The following PTCH2 variants were observed in gnomAD, a reference collection of about 807,000 sequenced individuals.
PTCH2 encodes patched 2, also known as protein patched homolog 2.
A neutral mutation model predicts 117.9 loss-of-function variants in PTCH2; 96 were observed. That is an observed-to-expected ratio of 0.81 (90% CI 0.69 to 0.96). The LOEUF is 0.96. Among genes scored for constraint, PTCH2 ranks in the 50% least tolerant of loss-of-function variants. The pLI, the probability that PTCH2 is intolerant of heterozygous loss-of-function variation, is 0.00. For missense variants in PTCH2, 1,379 were observed against 1,562.5 expected (o/e 0.88, Z 1.98); for synonymous variants, 615 against 660.9 (o/e 0.93, Z 1.06).
chr1:44,828,070 G>T lies in PTCH2; in HGVS notation c.1831C>A (p.Gln611Lys). ...GGAGGCAGGATGGTGACCACATGCT[G>T]GCTGCTGGCTTCACAGTGGGTAAAG... The part of the protein sequence containing the change: ...QAFTHCEASS[Q>K]HVVTILPPQA... Residue 611 changes from glutamine (Q) to lysine (K), a missense_variant, in exon 14 of 22, where the codon CAG becomes AAG. By Grantham distance (53) the Gln-to-Lys change is moderately conservative. Transcript: ENST00000372192. 6.2e-7 allele frequency: 1 copy of T among 1,614,140 alleles called. No individual in the cohort carries two copies. The highest frequency in any genetic ancestry group is 1.3e-5 in the African/African-American group (1 of 75,064).
intron 2 of PTCH2, among the ~76,000 whole-genome samples, chr1:44,834,805 C>T (rs1171114539): frequency 6.6e-6 from 1 of 152,176 alleles, no homozygotes; most frequent in African/African-American, 2.4e-5. Flanking sequence ...GCCTTGGGCT[C>T]ATTAGTTATT....
intron 1 of PTCH2, 25 bp from the exon 2 acceptor site, chr1:44,842,064 C>T: frequency 6.3e-7 from 1 of 1,575,352 alleles, no homozygotes; most frequent in South Asian, 1.1e-5. Flanking sequence ...GAAGGGTCAG[C>T]CAGGCATCAC....
At position 44,826,691 on chromosome 1, in the gene PTCH2, CCA is replaced by C. The variant is rs1653163289; in HGVS notation, c.2771_2772del (p.Val924GlyfsTer107). ...LRGLQKTADFVEAIEGARAAC... is the reference protein window; with the variant it reads ...LRGLQKTADFXEAIEGARAAC... ...GCTGCCCGGGCCCCCTCGATGGCCT[CCA>C]CAAAGTCTGCAGTCTTCTGGAGGCC... is the stretch of plus-strand genomic sequence containing the variant. On this transcript the variant is annotated frameshift_variant, in exon 18 of 22. Coordinates refer to ENST00000372192, the MANE Select transcript of PTCH2 (RefSeq NM_003738.5). LOFTEE classifies it high-confidence loss of function. This position sits in a 1 kb window ranked among gnomAD's most constrained non-coding sequence, Gnocchi z 5.1. 1 of 1,606,080 alleles carries C rather than the reference CCA, an allele frequency of 6.2e-7. No homozygotes were observed. Among genetic ancestry groups the C allele is most frequent in the Non-Finnish European group, 8.5e-7 (1 of 1,175,390 alleles).
In PTCH2 at chr1:44,831,833, C is replaced by T; in HGVS notation, c.526-36G>A. 1 of 1,605,330 alleles carries T rather than the reference C, an allele frequency of 6.2e-7. No homozygotes were observed. The highest frequency in any genetic ancestry group is 1.3e-5 in the African/African-American group (1 of 74,800). ...TACCCCGGGCCACGTCAGTCCTGCCCCACAACCTTTGTAGGATGCCCTCTG... is the reference window on the plus strand; with the variant it reads ...TACCCCGGGCCACGTCAGTCCTGCCTCACAACCTTTGTAGGATGCCCTCTG... On this transcript the variant is annotated intron_variant, in intron 4 of 21. Transcript: ENST00000372192. This position sits in a 1 kb window ranked among gnomAD's most constrained non-coding sequence, Gnocchi z 4.3.
rs1653257498 is a variant in PTCH2, at chr1:44,828,295, C to T, written c.1709+1G>A. ...GGAAGGGGCTGGGGCGCAGGCAGTACCTGGAGAAGCAGCAGAGCACATCAA... is the reference window on the plus strand; with the variant it reads ...GGAAGGGGCTGGGGCGCAGGCAGTATCTGGAGAAGCAGCAGAGCACATCAA... On this transcript the variant is annotated splice_donor_variant, in intron 13 of 21. Transcript: ENST00000372192. LOFTEE classifies it high-confidence loss of function. 1 of 1,613,730 alleles carries T rather than the reference C, an allele frequency of 6.2e-7. No individual in the cohort carries two copies. The highest frequency in any genetic ancestry group is 1.7e-5 in the Admixed American group (1 of 60,006).
Position 44,823,126 on chromosome 1 carries a change from G to T in PTCH2, c.3300C>A (p.Leu1100=). The change falls in exon 21 of 22, where the codon CTC becomes CTA. Residue 1100 remains leucine (L), a synonymous_variant. Transcript: ENST00000372192. The surrounding 1 kb of genome is among the most constrained non-coding windows in gnomAD (Gnocchi z 5.1). ...AALTVLTLLG[L]LHGLVLLPVL... ...CAGGCAGCAGCACGAGTCCATGGAG[G>T]AGGCCCAGGAGCGTGAGCACTGTCA... The T allele has an allele frequency of 6.2e-7, 1 of 1,614,040 alleles. No individual in the cohort carries two copies. The highest frequency in any genetic ancestry group is 8.5e-7 in the Non-Finnish European group (1 of 1,180,006).
intron 2 of PTCH2, among the ~76,000 whole-genome samples, chr1:44,833,835 G>C (rs1376822780): frequency 6.7e-6 from 1 of 149,982 alleles, no homozygotes; most frequent in Non-Finnish European, 1.5e-5. Context: ...GTGAGCCACC[G>C]CACCCGGCCC....
chr1:44,826,255 C>T lies in PTCH2; in HGVS notation c.3109G>A (p.Ala1037Thr). 6.2e-7 allele frequency: 1 copy of T among 1,614,034 alleles called. No individual in the cohort carries two copies. Among genetic ancestry groups the T allele is most frequent in the Non-Finnish European group, 8.5e-7 (1 of 1,180,022 alleles). Residue 1037 changes from alanine to threonine, a missense_variant, in exon 19 of 22, where the codon GCT becomes ACT. Coordinates refer to ENST00000372192, the MANE Select transcript of PTCH2 (RefSeq NM_003738.5). The surrounding 1 kb of genome is among the most constrained non-coding windows in gnomAD (Gnocchi z 5.1). ...CCCGGGGTGCCCGTGCTCACCAGAG[C>T]CACGTGGACTGTGAACTCAACGCCA... ...GIGVEFTVHV[A>T]LGFLTTQGSR...
downstream of PTCH2, among the ~76,000 whole-genome samples, chr1:44,821,007 G>T (rs1652887582): frequency 6.6e-6 from 1 of 152,124 alleles, no homozygotes; most frequent in Non-Finnish European, 1.5e-5. Context: ...TGTTGTTGTT[G>T]TTTTTGTTGT....
At position 44,825,311 on chromosome 1, in the gene PTCH2, T is replaced by C. The variant is rs1474581444; in HGVS notation, c.3114+939A>G. 2.0e-5 allele frequency among the ~76,000 whole-genome samples: 3 copies of C among 151,614 alleles called. No individual in the cohort carries two copies. The South Asian group carries it at 6.3e-4, about 32-fold the overall frequency. On this transcript the variant is annotated intron_variant, in intron 19 of 21. Coordinates refer to ENST00000372192, the MANE Select transcript of PTCH2 (RefSeq NM_003738.5). The stretch of plus-strand genomic sequence containing the variant: ...CACCCCCACACCCAGCTAATTTTCA[T>C]ATTTTTAGTAGAGATGGGGTTTCAC...
Position 44,823,137 on chromosome 1 carries a change from G to C in PTCH2, c.3289C>G (p.Leu1097Val). ...ACGAGTCCATGGAGGAGGCCCAGGA[G>C]CGTGAGCACTGTCAGCGCCGCAAAG... ...YFFAALTVLTLLGLLHGLVLL... is the reference protein window; with the variant it reads ...YFFAALTVLTVLGLLHGLVLL... The change falls in exon 21 of 22, where the codon CTC (leucine) becomes GTC (valine). Residue 1097 changes from leucine to valine, a missense_variant. Transcript: ENST00000372192. The surrounding 1 kb of genome is among the most constrained non-coding windows in gnomAD (Gnocchi z 5.1). 2 of 1,614,104 alleles carry C rather than the reference G, an allele frequency of 1.2e-6. No individual in the cohort carries two copies. The highest frequency in any genetic ancestry group is 2.2e-5 in the South Asian group (2 of 91,056).
rs1553165035 is a variant in PTCH2 at position 44,826,991 on chromosome 1, A to AG, written c.2605dup (p.Leu869ProfsTer16). On this transcript the variant is annotated frameshift_variant, in exon 17 of 22. Coordinates refer to ENST00000372192, the MANE Select transcript of PTCH2 (RefSeq NM_003738.5). LOFTEE classifies it high-confidence loss of function. The surrounding 1 kb of genome is among the most constrained non-coding windows in gnomAD (Gnocchi z 5.1). ...GTTGGCCTGTGAGGCTGCCAGACCC[A>AG]GGGGGTCACTGCTCACCCACACGGT... 7 of 1,614,076 alleles carry AG rather than the reference A, an allele frequency of 4.3e-6. No homozygotes were observed. Among genetic ancestry groups the AG allele is most frequent in the Non-Finnish European group, 5.1e-6 (6 of 1,180,028 alleles).
intron 3 of PTCH2, 35 bp downstream of exon 3, chr1:44,832,117 C>T (rs372152883): frequency 4.3e-6 from 7 of 1,613,544 alleles, no homozygotes; most frequent in South Asian, 2.2e-5. Flanking sequence ...CAGCACGCCT[C>T]GCCCCCAGCT....
At chr1:44,820,429 G>C (rs1167999604), downstream of PTCH2, 2 of 670,068 alleles carry the variant, frequency 3.0e-6, no homozygotes, top group Non-Finnish European at 5.5e-6. Flanking sequence ...TAGAGAGAGG[G>C]ACGGGGAAAC....
rs765089110 is a variant in PTCH2 at position 44,829,767 on chromosome 1, G to T, written c.936-6C>A. ...TGCTCTGCAGGGCCTCTGCCCTGGT[G>T]GGGGTGTGGGAGAACCAGGGGTCAG... On this transcript the variant is annotated splice_region_variant and splice_polypyrimidine_tract_variant and intron_variant, in intron 7 of 21. Coordinates refer to ENST00000372192, the MANE Select transcript of PTCH2 (RefSeq NM_003738.5). 3.1e-6 allele frequency: 5 copies of T among 1,614,184 alleles called. No homozygotes were observed. In the Admixed American group the frequency reaches 5.0e-5, roughly 16 times the overall value.
chr1:44,823,496 G>A lies in PTCH2; in HGVS notation c.3115-111C>T. On this transcript the variant is annotated intron_variant, in intron 19 of 21. Coordinates refer to ENST00000372192, the MANE Select transcript of PTCH2 (RefSeq NM_003738.5). The surrounding 1 kb of genome is among the most constrained non-coding windows in gnomAD (Gnocchi z 5.1). ...CTCAACGATACCTTGGCCCACCAAA[G>A]GCTGGGTGAACTAAGTTCATGGGAA... 1 of 1,475,226 alleles carries A rather than the reference G, an allele frequency of 6.8e-7. No individual in the cohort carries two copies. Among genetic ancestry groups the A allele is most frequent in the Non-Finnish European group, 9.4e-7 (1 of 1,066,360 alleles). 91.4% of individuals were successfully genotyped at this position (1,475,226 alleles called of 1,614,324 possible). A position where few individuals can be genotyped will look rare whatever the true frequency, so the allele number is the denominator to read the frequency against.
At position 44,831,999 on chromosome 1, in the gene PTCH2, A is replaced by T; in HGVS notation, c.501T>A (p.Leu167=). 1 of 1,613,258 alleles carries T rather than the reference A, an allele frequency of 6.2e-7. No homozygotes were observed. The highest frequency in any genetic ancestry group is 8.5e-7 in the Non-Finnish European group (1 of 1,179,268). Residue 167 remains leucine (L), a synonymous_variant, in exon 4 of 22, where the codon CTT becomes CTA. Transcript: ENST00000372192. This position sits in a 1 kb window ranked among gnomAD's most constrained non-coding sequence, Gnocchi z 4.3. ...NKICYKSGVP[L]IENGMIERMI... is the part of the protein sequence containing the mutation. ...CCCGCTCAATCATTCCATTTTCAAT[A>T]AGGGGAACTCCTGACTTGTAGCAGA...
At chr1:44,839,532 G>T (rs1048671544) in intron 2 of PTCH2, among the ~76,000 whole-genome samples, 1 of 152,184 alleles carries the variant, frequency 6.6e-6, no homozygotes, top group South Asian at 2.1e-4. Flanking sequence ...CTGGGGTCTA[G>T]CCTATCCTAT....
chr1:44,828,462 C>T (rs1391599179), intron 12 of PTCH2, 44 bp downstream of exon 12: 1 of 1,614,154 alleles, frequency 6.2e-7, no homozygotes, highest in Non-Finnish European at 8.5e-7. Flanking sequence ...AGCTTGGCCT[C>T]AGCCCCACAC....
Sources: allele counts gnomAD v4.1 joint callset (sites outside exome capture counted in the v4.1 genomes callset), GRCh38; gene constraint gnomAD v4.1.1; non-coding constraint Gnocchi (gnomAD v3.1); transcripts MANE v1.5; gene names NCBI Gene and HGNC (gene_info 2026-07-23, HGNC 2026-07-21).